The following SLC13A2 variants were observed in gnomAD, a reference collection of about 807,000 sequenced individuals.
SLC13A2 encodes the protein Na(+)-coupled citrate transporter.
SLC13A2 carries 40 observed loss-of-function variants against 58.5 expected under a neutral mutation model. That is an observed-to-expected ratio of 0.68 (90% CI 0.53 to 0.89). The LOEUF (loss-of-function observed/expected upper bound fraction) is 0.89, where lower values mean the gene tolerates loss of function less well. SLC13A2 is among the 40% of genes least tolerant of loss of function. The pLI is 0.00. For synonymous variants in SLC13A2, 341 were observed against 331.6 expected (o/e 1.03, Z -0.31); for missense variants, 694 against 772.6 (o/e 0.90, Z 1.21).
In SLC13A2 at chr17:28,494,544, T is replaced by A. The variant is rs546098697; in HGVS notation, c.1308+32T>A. On this transcript the variant is annotated intron_variant, in intron 9 of 11. Coordinates refer to ENST00000314669, the MANE Select transcript of SLC13A2 (RefSeq NM_003984.4). The surrounding 1 kb of genome is among the most constrained non-coding windows in gnomAD (Gnocchi z 4.0). ...GGCCCCCAGCCCCCTCCTCAGCCTG[T>A]GTGAGGGTGTCTCTGTGGCAGGGAG... 1.9e-5 allele frequency: 30 copies of A among 1,612,848 alleles called. No individual in the cohort carries two copies. In the African/African-American group the frequency reaches 3.7e-4, roughly 20 times the overall value.
chr17:28,478,210 T>G (rs372216549), intron 1 of SLC13A2, among the ~76,000 whole-genome samples: 2 of 152,264 alleles, frequency 1.3e-5, no homozygotes, highest in African/African-American at 4.8e-5. Context: ...TGTTGGAGTC[T>G]CTGCCTGAGG....
In SLC13A2 at chr17:28,485,829, T is replaced by C. The variant is rs1243323866; in HGVS notation, c.103-3385T>C. 5.6e-5 allele frequency among the ~76,000 whole-genome samples: 8 copies of C among 144,144 alleles called. No homozygotes were observed. The South Asian group carries it at 1.8e-3, about 32-fold the overall frequency. The allele number at this position is 144,144 out of a possible 152,430, so 94.6% of individuals were successfully genotyped here. Reference sequence around the variant, plus strand: ...AAGCAAGAACCATCTCTACAAAAGATACAAAAAAAAAAAAAATTAGCTGGG... The same window carrying C: ...AAGCAAGAACCATCTCTACAAAAGACACAAAAAAAAAAAAAATTAGCTGGG... On this transcript the variant is annotated intron_variant, in intron 1 of 11. Transcript: ENST00000314669.
intron 1 of SLC13A2, among the ~76,000 whole-genome samples, chr17:28,475,693 C>T (rs1048209473): frequency 1.1e-4 from 16 of 152,160 alleles, no homozygotes; most frequent in Non-Finnish European, 1.6e-4. Context: ...TTCCTCAGTC[C>T]CTCGGCAGCA....
chr17:28,486,637 T>C (rs111230784), intron 1 of SLC13A2, among the ~76,000 whole-genome samples: 1 of 151,964 alleles, frequency 6.6e-6, no homozygotes, highest in African/African-American at 2.4e-5. Context: ...TGAGGAGCTG[T>C]CAGTGTTCTG....
At chr17:28,483,198 G>A (rs984975781) in intron 1 of SLC13A2, among the ~76,000 whole-genome samples, 5 of 152,200 alleles carry the variant, frequency 3.3e-5, no homozygotes, top group African/African-American at 1.2e-4. Context: ...CCCCGGGTCC[G>A]GAGTCTGCCC....
In SLC13A2 at chr17:28,497,232, T is replaced by C; in HGVS notation, c.1742T>C (p.Leu581Pro). Reference protein sequence around the residue: ...WAQSNTTAQCLPSLANTTTPS... With the variant: ...WAQSNTTAQCPPSLANTTTPS... ...CAGTCCAACACCACAGCCCAGTGCC[T>C]GCCAAGCCTGGCCAACACCACCACA... Residue 581 changes from leucine (L) to proline (P), a missense_variant, in exon 12 of 12, where the codon CTG becomes CCG. By Grantham distance (98) the Leu-to-Pro change is moderately conservative (BLOSUM62 -3). Coordinates refer to ENST00000314669, the MANE Select transcript of SLC13A2 (RefSeq NM_003984.4). 2.5e-6 allele frequency: 4 copies of C among 1,614,064 alleles called. No homozygotes were observed. Among genetic ancestry groups the C allele is most frequent in the Non-Finnish European group, 3.4e-6 (4 of 1,179,956 alleles).
chr17:28,487,624 G>C, intron 1 of SLC13A2: 6 of 978,174 alleles, frequency 6.1e-6, no homozygotes, highest in Non-Finnish European at 7.3e-6. Flanking sequence ...GGACACCAGG[G>C]TCCAGGAGGG....
At chr17:28,478,147 G>A (rs1476609820) in intron 1 of SLC13A2, among the ~76,000 whole-genome samples, 1 of 152,224 alleles carries the variant, frequency 6.6e-6, no homozygotes, top group African/African-American at 2.4e-5. Flanking sequence ...CCAGTGTGGG[G>A]AAGCAATTTG....
At position 28,494,562 on chromosome 17, in the gene SLC13A2, G is replaced by A; in HGVS notation, c.1308+50G>A. 1 of 1,610,442 alleles carries A rather than the reference G, an allele frequency of 6.2e-7. No individual in the cohort carries two copies. On this transcript the variant is annotated intron_variant, in intron 9 of 11. Transcript: ENST00000314669. This position sits in a 1 kb window ranked among gnomAD's most constrained non-coding sequence, Gnocchi z 4.0. ...CAGCCTGTGTGAGGGTGTCTCTGTG[G>A]CAGGGAGAGAGGGGGCCCTGCTTCT...
intron 1 of SLC13A2, among the ~76,000 whole-genome samples, chr17:28,486,733 C>G (rs2068889098): frequency 6.6e-6 from 1 of 151,346 alleles, no homozygotes; most frequent in Non-Finnish European, 1.5e-5. Flanking sequence ...CAGACATAGG[C>G]AGCAGGGAGC....
At chr17:28,479,065 T>A (rs562094564) in intron 1 of SLC13A2, among the ~76,000 whole-genome samples, 102 of 152,038 alleles carry the variant, frequency 6.7e-4, no homozygotes, top group Middle Eastern at 6.8e-3. Flanking sequence ...ACTAAAAAAA[T>A]TAGCCAGGTG....
intron 1 of SLC13A2, among the ~76,000 whole-genome samples, chr17:28,480,670 G>A (rs2068768398): frequency 6.6e-6 from 1 of 152,180 alleles, no homozygotes; most frequent in African/African-American, 2.4e-5. Flanking sequence ...TAGAGTACCT[G>A]GCACCTGGGG....
chr17:28,497,026 C>T, intron 11 of SLC13A2, 73 bp from the exon 12 acceptor site: 1 of 1,527,006 alleles, frequency 6.5e-7, no homozygotes. Context: ...TCCTGTGCAC[C>T]CCCAAACACC....
chr17:28,496,953 G>A lies in SLC13A2; in HGVS notation c.1609-146G>A. On this transcript the variant is annotated intron_variant, in intron 11 of 11. Coordinates refer to ENST00000314669, the MANE Select transcript of SLC13A2 (RefSeq NM_003984.4). This position sits in a 1 kb window ranked among gnomAD's most constrained non-coding sequence, Gnocchi z 4.2. ...GAGTAAAGCAAGGGGCAAAGGCATTGGCTATGCTGCAGGTTAGACCAACGG... is the reference window on the plus strand; with the variant it reads ...GAGTAAAGCAAGGGGCAAAGGCATTAGCTATGCTGCAGGTTAGACCAACGG... The A allele has an allele frequency of 1.3e-6, 1 of 782,656 alleles. No individual in the cohort carries two copies. The highest frequency in any genetic ancestry group is 2.6e-5 in the East Asian group (1 of 37,936). 48.5% of individuals were successfully genotyped at this position (782,656 alleles called of 1,614,324 possible). A position where few individuals can be genotyped will look rare whatever the true frequency, so the allele number is the denominator to read the frequency against.
At position 28,490,462 on chromosome 17, in the gene SLC13A2, C is replaced by T. The variant is rs1555603006; in HGVS notation, c.240C>T (p.Val80=). The T allele has an allele frequency of 3.1e-6, 5 of 1,614,028 alleles. No homozygotes were observed. The highest frequency in any genetic ancestry group is 1.7e-5 in the Admixed American group (1 of 60,008). ...ATGTCTCCACCTGCCAGGTTGCCGT[C>T]GAGTATCTTAAGGACTCCAACCTCC... ...MGIVDASEVA[V]EYLKDSNLLF... Residue 80 remains valine (V), a synonymous_variant, in exon 3 of 12, where the codon GTC becomes GTT. Transcript: ENST00000314669.
chr17:28,480,987 G>C (rs576533059), intron 1 of SLC13A2, among the ~76,000 whole-genome samples: 1 of 152,298 alleles, frequency 6.6e-6, no homozygotes, highest in East Asian at 1.9e-4. Flanking sequence ...TCAAAGGCCA[G>C]GGGGATCCCT....
chr17:28,473,770 G>C lies in SLC13A2; in HGVS notation c.58G>C (p.Val20Leu), dbSNP rs368245623. 6.2e-7 allele frequency: 1 copy of C among 1,614,098 alleles called. No homozygotes were observed. The highest frequency in any genetic ancestry group is 1.7e-4 in the Middle Eastern group (1 of 6,060). The change falls in exon 1 of 12, where the codon GTG (valine) becomes CTG (leucine). Residue 20 changes from valine to leucine, a missense_variant. Coordinates refer to ENST00000314669, the MANE Select transcript of SLC13A2 (RefSeq NM_003984.4). ...AYRSYLIVFF[V>L]PILLLPLPIL... The stretch of plus-strand genomic sequence containing the variant: ...TCGCTCCTACCTGATCGTGTTCTTC[G>C]TGCCCATTCTCCTGCTGCCTCTGCC...
At chr17:28,491,694 G>A (rs2069027708) in intron 5 of SLC13A2, 36 bp from the exon 6 acceptor site, 4 of 1,611,788 alleles carry the variant, frequency 2.5e-6, no homozygotes, top group Non-Finnish European at 3.4e-6. Context: ...CAGTTCTCGG[G>A]GCAATGTCAC....
At chr17:28,492,451 G>A (rs999173106) in intron 6 of SLC13A2, among the ~76,000 whole-genome samples, 20 of 152,214 alleles carry the variant, frequency 1.3e-4, no homozygotes, top group African/African-American at 4.8e-4. Flanking sequence ...AGTCAGCCAG[G>A]TAGAGAATGG....
Sources: gnomAD v4.1 joint callset for allele counts (sites outside exome capture counted in the v4.1 genomes callset) on GRCh38, gnomAD v4.1.1 for gene constraint, Gnocchi (gnomAD v3.1) non-coding constraint, MANE v1.5 for transcripts, NCBI Gene and HGNC (gene_info 2026-07-23, HGNC 2026-07-21) for gene names.